Variants in ALK observed in about 807,000 individuals in gnomAD.
ALK encodes ALK tyrosine kinase receptor.
A neutral mutation model predicts 163.1 loss-of-function variants in ALK; 74 were observed. The ratio of observed to expected loss-of-function variants is 0.45; its 90% CI spans 0.38 to 0.55. ALK has a LOEUF of 0.55. ALK is among the 20% of genes least tolerant of loss of function. ALK has a pLI of 0.00. For synonymous variants in ALK, 960 were observed against 843.2 expected (o/e 1.14, Z -2.40); for missense variants, 2,063 against 2,105.3 (o/e 0.98, Z 0.39).
chr2:29,348,572 CAGG>C (rs1251722116), intron 5 of ALK, among the ~76,000 whole-genome samples: 37 of 152,172 alleles, frequency 2.4e-4, no homozygotes, highest in African/African-American at 8.9e-4. Flanking sequence ...TAGTGAGTAG[CAGG>C]ACGAGGGCAG....
intron 1 of ALK, among the ~76,000 whole-genome samples, chr2:29,752,538 C>T (rs1680400258): frequency 6.6e-6 from 1 of 151,428 alleles, no homozygotes; most frequent in Non-Finnish European, 1.5e-5. Flanking sequence ...TTAGTAGAGA[C>T]GGGGTTTCAC....
intron 1 of ALK, among the ~76,000 whole-genome samples, chr2:29,721,112 T>C (rs895041955): frequency 6.6e-6 from 1 of 152,118 alleles, no homozygotes; most frequent in African/African-American, 2.4e-5. Context: ...TTGCTAGCAA[T>C]ACAATTGTTG....
At chr2:29,857,241 T>G (rs1286959897) in intron 1 of ALK, among the ~76,000 whole-genome samples, 4 of 152,126 alleles carry the variant, frequency 2.6e-5, no homozygotes, top group African/African-American at 9.7e-5. Context: ...ACTATGTGAA[T>G]GGGCAGAGAA....
intron 1 of ALK, among the ~76,000 whole-genome samples, chr2:29,885,039 G>C (rs1345746670): frequency 2.0e-5 from 3 of 151,880 alleles, no homozygotes; most frequent in African/African-American, 7.3e-5. Context: ...CCTAAACCTT[G>C]AAGAGAAAAG....
chr2:29,741,631 C>A (rs185962127), intron 1 of ALK, among the ~76,000 whole-genome samples: 1 of 152,198 alleles, frequency 6.6e-6, no homozygotes, highest in Non-Finnish European at 1.5e-5. Flanking sequence ...CAGCCCATGT[C>A]TCCCCTGGTG....
intron 19 of ALK, among the ~76,000 whole-genome samples, chr2:29,224,218 G>C (rs1663857115): frequency 1.3e-5 from 2 of 152,158 alleles, no homozygotes; most frequent in Non-Finnish European, 2.9e-5. Flanking sequence ...AGTTGGAGAA[G>C]AGCCACATCA....
At chr2:29,406,630 G>A (rs977866769) in intron 4 of ALK, among the ~76,000 whole-genome samples, 3 of 152,076 alleles carry the variant, frequency 2.0e-5, no homozygotes, top group Admixed American at 6.5e-5. Context: ...GGCCAGGTGC[G>A]GTGGATCACG....
intron 1 of ALK, among the ~76,000 whole-genome samples, chr2:29,893,696 T>C (rs1307092585): frequency 2.6e-5 from 4 of 152,124 alleles, no homozygotes; most frequent in African/African-American, 9.7e-5. Flanking sequence ...TCCAGATGAC[T>C]CAGTTACGTA....
intron 3 of ALK, among the ~76,000 whole-genome samples, chr2:29,537,953 C>G (rs1261584816): frequency 6.6e-6 from 1 of 152,198 alleles, no homozygotes; most frequent in African/African-American, 2.4e-5. Context: ...GCCTATTACC[C>G]CTTTGTTTTG....
intron 1 of ALK, among the ~76,000 whole-genome samples, chr2:29,860,559 C>A (rs1666254079): frequency 6.6e-6 from 1 of 152,146 alleles, no homozygotes; most frequent in African/African-American, 2.4e-5. Context: ...GAATATTCCA[C>A]CTAACAGCAG....
intron 4 of ALK, among the ~76,000 whole-genome samples, chr2:29,433,040 A>ATT (rs996068810): frequency 5.3e-5 from 8 of 152,208 alleles, no homozygotes; most frequent in Non-Finnish European, 1.2e-4. Context: ...AATTAACAAA[A>ATT]AAGTCCTCTT....
At chr2:29,388,509 C>T (rs1573308052) in intron 4 of ALK, among the ~76,000 whole-genome samples, 1 of 152,338 alleles carries the variant, frequency 6.6e-6, no homozygotes, top group African/African-American at 2.4e-5. Context: ...ATCCACCACC[C>T]TAAGCTACGA....
intron 23 of ALK, among the ~76,000 whole-genome samples, chr2:29,215,981 C>A (rs1669593340): frequency 6.6e-6 from 1 of 152,158 alleles, no homozygotes; most frequent in Admixed American, 6.5e-5. Context: ...TGAGGGGTTT[C>A]CACATGGGAG....
chr2:29,865,296 G>C (rs1050478674), intron 1 of ALK, among the ~76,000 whole-genome samples: 1 of 152,178 alleles, frequency 6.6e-6, no homozygotes, highest in African/African-American at 2.4e-5. Context: ...AGCTAAGGAG[G>C]AAAGATTTTG....
chr2:29,763,979 C>A (rs1680787814), intron 1 of ALK, among the ~76,000 whole-genome samples: 1 of 152,146 alleles, frequency 6.6e-6, no homozygotes, highest in South Asian at 2.1e-4. Flanking sequence ...GCTCTCACAG[C>A]CACCTGGGGA....
intron 3 of ALK, among the ~76,000 whole-genome samples, chr2:29,687,051 T>A (rs192435034): frequency 6.6e-6 from 1 of 151,970 alleles, no homozygotes; most frequent in Admixed American, 6.6e-5. Context: ...CGGGCAGAGA[T>A]AGAAGGCCAC....
At chr2:29,816,308 C>T (rs1558501040) in intron 1 of ALK, among the ~76,000 whole-genome samples, 1 of 152,110 alleles carries the variant, frequency 6.6e-6, no homozygotes, top group Non-Finnish European at 1.5e-5. Flanking sequence ...TTTCTCTAAA[C>T]CTGTTTCCTT....
At chr2:29,214,193 A>G (rs1669540018) in intron 23 of ALK, 112 bp from the exon 24 acceptor site, 1 of 878,970 alleles carries the variant, frequency 1.1e-6, no homozygotes, top group South Asian at 1.4e-5. Flanking sequence ...ACATGCAGCT[A>G]CACCAGGGGC....
chr2:29,666,377 G>T (rs553299541), intron 3 of ALK, among the ~76,000 whole-genome samples: 1 of 151,942 alleles, frequency 6.6e-6, no homozygotes, highest in East Asian at 1.9e-4. Flanking sequence ...CAAAAAAATG[G>T]TATTTTCTTA....
Sources: allele counts gnomAD v4.1 joint callset (sites outside exome capture counted in the v4.1 genomes callset), GRCh38; gene constraint gnomAD v4.1.1; transcripts MANE v1.5; gene names NCBI Gene and HGNC (gene_info 2026-07-23, HGNC 2026-07-21).